Variants in TENM3 observed in about 807,000 individuals in gnomAD.
The protein encoded by TENM3 is teneurin-3.
Under a neutral mutation model 255.1 loss-of-function variants are expected in TENM3, and 63 were observed. The ratio of observed to expected loss-of-function variants is 0.25; its 90% confidence interval spans 0.20 to 0.30. The LOEUF is 0.30. Ranked by LOEUF, TENM3 falls within the 10% of genes least tolerant of loss-of-function variation. The probability of loss-of-function intolerance (pLI) is 1.00; values close to 1 mark genes in which losing one functional copy is unlikely to be tolerated. For missense variants in TENM3, 2,929 were observed against 3,461.1 expected, an observed-to-expected ratio of 0.85 and a Z score of 3.86; for synonymous variants, 1,306 against 1,322.3, an observed-to-expected ratio of 0.99 and a Z score of 0.27.
chr4:182,237,548 T>C (rs1047856461), intron 1 of TENM3, among the ~76,000 whole-genome samples: 19 of 152,090 alleles, frequency 1.2e-4, no homozygotes, highest in African/African-American at 4.1e-4. Context: ...TCCCAGCACT[T>C]TGAGAGGCCG....
At chr4:182,131,644 A>G in the TENM3 span, among the ~76,000 whole-genome samples, 1 of 152,208 alleles carries the variant, frequency 6.6e-6, no homozygotes, top group Non-Finnish European at 1.5e-5. Context: ...ATGATTAAGT[A>G]TGAAAGGAAA....
intron 12 of TENM3, among the ~76,000 whole-genome samples, chr4:182,701,815 G>A (rs1757903367): frequency 6.6e-6 from 1 of 152,176 alleles, no homozygotes. Context: ...GCCAAGGGTG[G>A]CCTTCCTCCT....
At chr4:181,451,712 C>T in the TENM3 span, among the ~76,000 whole-genome samples, 1 of 152,094 alleles carries the variant, frequency 6.6e-6, no homozygotes, top group Non-Finnish European at 1.5e-5. Context: ...ATGGAGAAAA[C>T]ATGGTAATGT....
At chr4:182,642,423 C>T (rs1240089024) in intron 5 of TENM3, among the ~76,000 whole-genome samples, 2 of 152,142 alleles carry the variant, frequency 1.3e-5, no homozygotes, top group Non-Finnish European at 2.9e-5. Context: ...TCTGCATCCA[C>T]GTAGTTCAGA....
chr4:182,024,183 ATT>A, the TENM3 span, among the ~76,000 whole-genome samples: 1 of 152,160 alleles, frequency 6.6e-6, no homozygotes, highest in Non-Finnish European at 1.5e-5. Context: ...AAGAAAAAAT[ATT>A]TTTTCTTAAG....
At chr4:182,132,771 CT>C in the TENM3 span, among the ~76,000 whole-genome samples, 1 of 152,132 alleles carries the variant, frequency 6.6e-6, no homozygotes, top group Admixed American at 6.6e-5. Context: ...ATGGGTGTGA[CT>C]AACATGATCA....
the TENM3 span, among the ~76,000 whole-genome samples, chr4:181,941,963 G>A: frequency 6.6e-6 from 1 of 152,132 alleles, no homozygotes; most frequent in African/African-American, 2.4e-5. Flanking sequence ...GCTTCTATCA[G>A]AACACCTAAA....
intron 3 of TENM3, among the ~76,000 whole-genome samples, chr4:182,516,622 G>A (rs1021168470): frequency 3.9e-5 from 6 of 152,318 alleles, no homozygotes; most frequent in Admixed American, 2.0e-4. Context: ...CAGGCGTAAT[G>A]GCTCATGCCT....
chr4:182,761,827 A>G (rs958507900), intron 22 of TENM3, among the ~76,000 whole-genome samples: 2 of 152,192 alleles, frequency 1.3e-5, no homozygotes, highest in Non-Finnish European at 2.9e-5. Context: ...GTTTATTTCT[A>G]TTTTTGATGT....
At chr4:181,902,888 T>C in the TENM3 span, among the ~76,000 whole-genome samples, 1 of 152,188 alleles carries the variant, frequency 6.6e-6, no homozygotes, top group Non-Finnish European at 1.5e-5. Flanking sequence ...TTTCACATGA[T>C]ACTGAGTGAT....
the TENM3 span, among the ~76,000 whole-genome samples, chr4:181,872,707 G>A: frequency 6.6e-6 from 1 of 151,590 alleles, no homozygotes; most frequent in East Asian, 1.9e-4. Flanking sequence ...GATCAGTCTT[G>A]CTGGGGCCCA....
the TENM3 span, among the ~76,000 whole-genome samples, chr4:182,024,708 C>T: frequency 3.9e-5 from 6 of 152,160 alleles, no homozygotes; most frequent in East Asian, 3.9e-4. Flanking sequence ...CAATTATACT[C>T]GTTATTTTAA....
the TENM3 span, among the ~76,000 whole-genome samples, chr4:181,512,884 A>G: frequency 2.6e-5 from 4 of 152,294 alleles, no homozygotes; most frequent in East Asian, 7.7e-4. Flanking sequence ...CATATTTATC[A>G]TCTTGATTTA....
chr4:181,785,242 T>G, the TENM3 span, among the ~76,000 whole-genome samples: 3 of 152,134 alleles, frequency 2.0e-5, no homozygotes, highest in Admixed American at 2.0e-4. Flanking sequence ...CATACAGATT[T>G]GTTTATCTGA....
chr4:181,801,101 A>C, the TENM3 span, among the ~76,000 whole-genome samples: 1 of 152,174 alleles, frequency 6.6e-6, no homozygotes, highest in Non-Finnish European at 1.5e-5. Flanking sequence ...CCTTTGGACA[A>C]GGAAGCAATT....
At chr4:181,827,641 A>G in the TENM3 span, among the ~76,000 whole-genome samples, 1 of 152,148 alleles carries the variant, frequency 6.6e-6, no homozygotes, top group African/African-American at 2.4e-5. Context: ...TATCATTTCA[A>G]TCATTGGTTC....
At chr4:181,689,376 C>A in the TENM3 span, among the ~76,000 whole-genome samples, 4 of 152,192 alleles carry the variant, frequency 2.6e-5, no homozygotes, top group Non-Finnish European at 5.9e-5. Context: ...TGTGACCCAA[C>A]TGGAAATCCA....
At chr4:182,068,004 A>G in the TENM3 span, among the ~76,000 whole-genome samples, 1 of 152,130 alleles carries the variant, frequency 6.6e-6, no homozygotes, top group Non-Finnish European at 1.5e-5. Flanking sequence ...CTTCTACATA[A>G]GGCACCATGC....
chr4:182,357,469 T>A (rs1205467625), intron 3 of TENM3, among the ~76,000 whole-genome samples: 1 of 152,190 alleles, frequency 6.6e-6, no homozygotes. Flanking sequence ...TGATGGCCAG[T>A]GATGGTGGCA....
Sources: gnomAD v4.1 joint callset for allele counts (sites outside exome capture counted in the v4.1 genomes callset) on GRCh38, gnomAD v4.1.1 for gene constraint, MANE v1.5 for transcripts, NCBI Gene and HGNC (gene_info 2026-07-23, HGNC 2026-07-21) for gene names.